KIF1A: variants seen among roughly 807,000 people sequenced by gnomAD.
The protein encoded by KIF1A is kinesin-like protein KIF1A.
Under a neutral mutation model 227.3 loss-of-function variants are expected in KIF1A, and 46 were observed. That is an observed-to-expected ratio of 0.20 (90% CI 0.16 to 0.26). KIF1A has a LOEUF of 0.26. Among genes scored for constraint, KIF1A ranks in the 10% least tolerant of loss-of-function variants. KIF1A has a pLI of 1.00. For missense variants in KIF1A, 1,683 were observed against 2,485.9 expected, an observed-to-expected ratio of 0.68 and a Z score of 6.87; for synonymous variants, 1,022 against 1,012.8, an observed-to-expected ratio of 1.01 and a Z score of -0.17.
In KIF1A at chr2:240,789,135, T is replaced by C; in HGVS notation, c.183+101A>G. 2.1e-6 allele frequency: 2 copies of C among 945,934 alleles called. No individual in the cohort carries two copies. The highest frequency in any genetic ancestry group is 2.9e-4 in the Middle Eastern group (1 of 3,432). The allele number at this position is 945,934 out of a possible 1,614,324, so 58.6% of individuals were successfully genotyped here. On this transcript the variant is annotated intron_variant, in intron 3 of 48. Coordinates refer to ENST00000498729, the MANE Select transcript of KIF1A (RefSeq NM_001244008.2). This position sits in a 1 kb window ranked among gnomAD's most constrained non-coding sequence, Gnocchi z 4.8. ...GAGCAGGGTGGGGTCCTCGCCCCAG[T>C]TAGAGAGGAATGAGCGGCTCAGAGA...
chr2:240,799,746 GAGCAATTCTGC>G (rs1322530377), intron 1 of KIF1A, among the ~76,000 whole-genome samples: 1 of 152,180 alleles, frequency 6.6e-6, no homozygotes, highest in Non-Finnish European at 1.5e-5. Flanking sequence ...GGTTTCTAGG[GAGCAATTCTGC>G]AGCACGCCCT....
Position 240,723,401 on chromosome 2 carries a change from A to G in KIF1A, c.4464+12T>C. ...ACCACCGTGCGGGCCTCATCCTCTG[A>G]GGCTGCCTCACCTCCTGCAGGAGGC... is the stretch of plus-strand genomic sequence containing the variant. On this transcript the variant is annotated intron_variant, in intron 42 of 48. Transcript: ENST00000498729. 6.5e-7 allele frequency: 1 copy of G among 1,542,548 alleles called. No individual in the cohort carries two copies. Among genetic ancestry groups the G allele is most frequent in the Non-Finnish European group, 8.8e-7 (1 of 1,141,424 alleles).
At chr2:240,811,119 T>C (rs974289503) in intron 1 of KIF1A, among the ~76,000 whole-genome samples, 6 of 152,214 alleles carry the variant, frequency 3.9e-5, no homozygotes, top group Non-Finnish European at 7.3e-5. Flanking sequence ...CCCAGCACTT[T>C]GGGAGGCCGA....
In KIF1A at chr2:240,775,391, C is replaced by G. The variant is rs935756302; in HGVS notation, c.958+460G>C. 2.4e-4 allele frequency among the ~76,000 whole-genome samples: 37 copies of G among 152,190 alleles called. No individual in the cohort carries two copies. The highest frequency in any genetic ancestry group is 4.4e-4 in the Non-Finnish European group (30 of 68,028). Reference sequence around the variant, plus strand: ...GGATGGACGGGATCAGCGTCGGGTGCATTTCAATTCCCACCTCCCCGTCTA... The same window carrying G: ...GGATGGACGGGATCAGCGTCGGGTGGATTTCAATTCCCACCTCCCCGTCTA... On this transcript the variant is annotated intron_variant, in intron 11 of 48. Coordinates refer to ENST00000498729, the MANE Select transcript of KIF1A (RefSeq NM_001244008.2). This position sits in a 1 kb window ranked among gnomAD's most constrained non-coding sequence, Gnocchi z 5.5.
Position 240,773,119 on chromosome 2 carries a change from G to A in KIF1A, c.1175C>T (p.Thr392Ile). The change falls in exon 13 of 49, where the codon ACT (threonine) becomes ATT (isoleucine). Residue 392 changes from threonine (T) to isoleucine (I), a missense_variant. Coordinates refer to ENST00000498729, the MANE Select transcript of KIF1A (RefSeq NM_001244008.2). The part of the protein sequence containing the change: ...LLYAQGLGDI[T>I]DTNTVPGGPK... ...AGGCTGGAGCAGGCACTCACTGTCAGTGATGTCGCCAAGACCCTGGGCGTA... is the reference window on the plus strand; with the variant it reads ...AGGCTGGAGCAGGCACTCACTGTCAATGATGTCGCCAAGACCCTGGGCGTA... 1 of 1,612,186 alleles carries A rather than the reference G, an allele frequency of 6.2e-7. No homozygotes were observed. The highest frequency in any genetic ancestry group is 8.5e-7 in the Non-Finnish European group (1 of 1,179,142).
At chr2:240,769,028 C>T (rs1297773730) in intron 17 of KIF1A, 105 bp downstream of exon 17, 12 of 983,518 alleles carry the variant, frequency 1.2e-5, no homozygotes, top group African/African-American at 4.8e-5. Flanking sequence ...AGAGCCCCAC[C>T]GTGCTCCCCT....
intron 1 of KIF1A, among the ~76,000 whole-genome samples, chr2:240,798,516 G>C (rs1050619421): frequency 6.6e-6 from 1 of 152,210 alleles, no homozygotes; most frequent in Non-Finnish European, 1.5e-5. Context: ...GACCAGCTTC[G>C]GCCTGGCCTT....
chr2:240,748,058 G>A (rs1286243652), intron 28 of KIF1A, among the ~76,000 whole-genome samples: 2 of 152,222 alleles, frequency 1.3e-5, no homozygotes, highest in Non-Finnish European at 2.9e-5. Flanking sequence ...AAACAATTAG[G>A]TATCACCCAA....
Position 240,719,153 on chromosome 2 carries a change from G to C in KIF1A, c.5067C>G (p.His1689Gln). 1 of 1,612,000 alleles carries C rather than the reference G, an allele frequency of 6.2e-7. No individual in the cohort carries two copies. Among genetic ancestry groups the C allele is most frequent in the Non-Finnish European group, 8.5e-7 (1 of 1,179,478 alleles). The change falls in exon 47 of 49, where the codon CAC becomes CAG. Residue 1689 changes from histidine (H) to glutamine (Q), a missense_variant. By Grantham distance (24) the His-to-Gln change is conservative (BLOSUM62 0). Coordinates refer to ENST00000498729, the MANE Select transcript of KIF1A (RefSeq NM_001244008.2). Reference protein sequence around the residue: ...KKGYLHFLEPHTSGWARRFVV... With the variant: ...KKGYLHFLEPQTSGWARRFVV... Reference sequence around the variant, plus strand: ...CGAAGCGCCTGGCCCAGCCTGACGTGTGCGGCTCCAGGAAGTGCAGGTACC... The same window carrying C: ...CGAAGCGCCTGGCCCAGCCTGACGTCTGCGGCTCCAGGAAGTGCAGGTACC...
At chr2:240,783,147 G>C in intron 8 of KIF1A, 38 bp from the exon 9 acceptor site, 1 of 1,520,120 alleles carries the variant, frequency 6.6e-7, no homozygotes, top group Non-Finnish European at 9.1e-7. Context: ...GGATGCTGGG[G>C]ACCCGTGGGG....
intron 10 of KIF1A, among the ~76,000 whole-genome samples, chr2:240,781,451 A>AGCTG (rs138545527): frequency 1.6e-5 from 1 of 62,906 alleles, no homozygotes; most frequent in Non-Finnish European, 3.0e-5. Flanking sequence ...ACACACACAC[A>AGCTG]CACACACAGC....
Position 240,812,113 on chromosome 2 carries a change from C to T in KIF1A, c.-61+8009G>A, listed in dbSNP as rs186425005. The stretch of plus-strand genomic sequence containing the variant: ...AAAACCCACTGGGCGCACCGGGCCA[C>T]GCCCCGCAAGTCACTGCAGGCACAG... On this transcript the variant is annotated intron_variant, in intron 1 of 48. Transcript: ENST00000498729. Among the ~76,000 whole-genome samples, 341 of 152,332 alleles carry T rather than the reference C, an allele frequency of 2.2e-3. 1 individual carries two copies. Among genetic ancestry groups the T allele is most frequent in the African/African-American group, 7.3e-3 (305 of 41,580 alleles).
intron 1 of KIF1A, among the ~76,000 whole-genome samples, chr2:240,801,075 T>C (rs914698045): frequency 8.6e-5 from 13 of 151,768 alleles, no homozygotes; most frequent in African/African-American, 3.1e-4. Context: ...ATGTGTGACA[T>C]CCAATCAAAA....
rs764497087 is a variant in KIF1A at position 240,721,055 on chromosome 2, T to C, written c.4744-17A>G. On this transcript the variant is annotated splice_polypyrimidine_tract_variant and intron_variant, in intron 44 of 48. Transcript: ENST00000498729. ...CTCGGAGAGCTGCGGAGGAGAGGCCTTTTTCAGGGGACACAGGGAAGGGGG... is the reference window on the plus strand; with the variant it reads ...CTCGGAGAGCTGCGGAGGAGAGGCCCTTTTCAGGGGACACAGGGAAGGGGG... 6.2e-7 allele frequency: 1 copy of C among 1,608,378 alleles called. No homozygotes were observed. The highest frequency in any genetic ancestry group is 8.5e-7 in the Non-Finnish European group (1 of 1,177,404).
chr2:240,757,743 C>T lies in KIF1A; in HGVS notation c.2583-149G>A. The T allele has an allele frequency of 1.3e-6, 1 of 791,692 alleles. No homozygotes were observed. Among genetic ancestry groups the T allele is most frequent in the Non-Finnish European group, 2.0e-6 (1 of 502,602 alleles). 49.0% of individuals were successfully genotyped at this position (791,692 alleles called of 1,614,324 possible). A position where few individuals can be genotyped will look rare whatever the true frequency, so the allele number is the denominator to read the frequency against. ...AATGCTGCTTTAAAAGATGAGAGAA[C>T]CAAAACTGTGCCCCCAGGCTTGGAA... On this transcript the variant is annotated intron_variant, in intron 26 of 48. Coordinates refer to ENST00000498729, the MANE Select transcript of KIF1A (RefSeq NM_001244008.2). The surrounding 1 kb of genome is among the most constrained non-coding windows in gnomAD (Gnocchi z 6.2).
At position 240,725,636 on chromosome 2, in the gene KIF1A, G is replaced by T. The variant is rs2045928265; in HGVS notation, c.4123-232C>A. 1.9e-6 allele frequency: 1 copy of T among 533,298 alleles called. No homozygotes were observed. Among genetic ancestry groups the T allele is most frequent in the Non-Finnish European group, 3.3e-6 (1 of 301,840 alleles). 33.0% of individuals were successfully genotyped at this position (533,298 alleles called of 1,614,324 possible). The stretch of plus-strand genomic sequence containing the variant: ...CTGTCCACCCCTGGGCTGCCTGAGG[G>T]ACTGGTCTCCATGTGTGGGGACCCC... On this transcript the variant is annotated intron_variant, in intron 39 of 48. Coordinates refer to ENST00000498729, the MANE Select transcript of KIF1A (RefSeq NM_001244008.2). The surrounding 1 kb of genome is among the most constrained non-coding windows in gnomAD (Gnocchi z 5.8).
intron 38 of KIF1A, among the ~76,000 whole-genome samples, chr2:240,727,852 G>A (rs181123689): frequency 1.1e-3 from 169 of 152,306 alleles, no homozygotes; most frequent in African/African-American, 3.7e-3. Flanking sequence ...CAGCCTTCTG[G>A]ATGGCAGTGA....
chr2:240,774,299 C>G, intron 11 of KIF1A, 38 bp from the exon 12 acceptor site: 1 of 1,421,308 alleles, frequency 7.0e-7, no homozygotes. Flanking sequence ...AGAGGGGGAT[C>G]TAGGCCCCAG....
chr2:240,741,001 G>A (rs1393379976), intron 35 of KIF1A, among the ~76,000 whole-genome samples: 1 of 152,098 alleles, frequency 6.6e-6, no homozygotes, highest in Non-Finnish European at 1.5e-5. Flanking sequence ...CTGGTTTGCT[G>A]TCCTAGTGCT....
Sources: gnomAD v4.1 joint callset for allele counts (sites outside exome capture counted in the v4.1 genomes callset) on GRCh38, gnomAD v4.1.1 for gene constraint, Gnocchi (gnomAD v3.1) non-coding constraint, MANE v1.5 for transcripts, NCBI Gene and HGNC (gene_info 2026-07-23, HGNC 2026-07-21) for gene names.